The following FOXP1 variants were observed in gnomAD, a reference collection of about 807,000 sequenced individuals.
The protein encoded by FOXP1 is forkhead box protein P1.
In FOXP1, 15 loss-of-function variants were observed where a neutral mutation model predicts 98.2. The observed-to-expected ratio is 0.15, with a 90% confidence interval of 0.10 to 0.24. The LOEUF (loss-of-function observed/expected upper bound fraction) is 0.24, where lower values mean the gene tolerates loss of function less well. Ranked by LOEUF, FOXP1 falls within the 10% of genes least tolerant of loss-of-function variation. The pLI is 1.00. For synonymous variants in FOXP1, 371 were observed against 314.5 expected (o/e 1.18, Z -1.90); for missense variants, 633 against 848.5 (o/e 0.75, Z 3.15).
chr3:70,969,657 T>C (rs1338700474), intron 19 of FOXP1: 1 of 152,272 alleles, frequency 6.6e-6, no homozygotes, highest in African/African-American at 2.4e-5. Context: ...CTTTTTAGAC[T>C]TTTGTTTCTC....
intron 5 of FOXP1, among the ~76,000 whole-genome samples, chr3:71,221,928 G>C (rs6806478): frequency 0.023 from 3,527 of 152,270 alleles, 158 homozygotes; most frequent in African/African-American, 0.081. Context: ...GCCGAGGCAG[G>C]CGGATCACGA....
At chr3:71,259,248 C>G (rs1397885858) in intron 5 of FOXP1, among the ~76,000 whole-genome samples, 1 of 152,206 alleles carries the variant, frequency 6.6e-6, no homozygotes, top group Non-Finnish European at 1.5e-5. Flanking sequence ...AGAGCCCAAG[C>G]TTAAAGCACA....
chr3:71,440,971 A>C (rs1259382898), intron 3 of FOXP1, among the ~76,000 whole-genome samples: 1 of 152,248 alleles, frequency 6.6e-6, no homozygotes, highest in Non-Finnish European at 1.5e-5. Context: ...CTGGTATTAA[A>C]TGGAAAGCAT....
At chr3:71,250,390 A>G (rs2068089516) in intron 5 of FOXP1, among the ~76,000 whole-genome samples, 2 of 152,202 alleles carry the variant, frequency 1.3e-5, no homozygotes, top group African/African-American at 4.8e-5. Context: ...AGCACTTGAA[A>G]TATGGCTAGT....
At chr3:71,191,233 A>T (rs2062961457) in intron 6 of FOXP1, among the ~76,000 whole-genome samples, 1 of 152,260 alleles carries the variant, frequency 6.6e-6, no homozygotes, top group Admixed American at 6.5e-5. Flanking sequence ...AGGACCTGCC[A>T]GTTCTGCAAA....
At chr3:71,162,634 T>TAA (rs2061196158) in intron 6 of FOXP1, among the ~76,000 whole-genome samples, 1 of 152,192 alleles carries the variant, frequency 6.6e-6, no homozygotes, top group Admixed American at 6.5e-5. Flanking sequence ...GTCAAACTGA[T>TAA]AGAGACAGGA....
In FOXP1 at chr3:71,386,443, C is replaced by T. The variant is rs186995297; in HGVS notation, c.-167-27199G>A. 8.9e-4 allele frequency among the ~76,000 whole-genome samples: 136 copies of T among 152,230 alleles called. 4 individuals are homozygous for T. The highest frequency in any genetic ancestry group is 2.4e-4 in the Non-Finnish European group (16 of 68,016). On this transcript the variant is annotated intron_variant, in intron 3 of 20. Transcript: ENST00000649528. Reference sequence around the variant, plus strand: ...TCAGTCTTCTCATCTCTGTTAACTACGCATAATAATAGAATCACGCCCTGT... The same window carrying T: ...TCAGTCTTCTCATCTCTGTTAACTATGCATAATAATAGAATCACGCCCTGT...
rs1007692421 is a variant in FOXP1, at chr3:71,388,210, C to T, written c.-167-28966G>A. Among the ~76,000 whole-genome samples, 7 of 152,100 alleles carry T rather than the reference C, an allele frequency of 4.6e-5. 1 individual carries two copies. The highest frequency in any genetic ancestry group is 3.2e-3 in the Middle Eastern group (1 of 316). On this transcript the variant is annotated intron_variant, in intron 3 of 20. Coordinates refer to ENST00000649528, the MANE Select transcript of FOXP1 (RefSeq NM_001349338.3). Reference sequence around the variant, plus strand: ...AATGGCCTCTATATTTAACAGATTCCATATCCATTCTGAGAGCTAGTAAGC... The same window carrying T: ...AATGGCCTCTATATTTAACAGATTCTATATCCATTCTGAGAGCTAGTAAGC...
chr3:71,221,317 T>C (rs1376711274), intron 5 of FOXP1, among the ~76,000 whole-genome samples: 2 of 152,200 alleles, frequency 1.3e-5, no homozygotes, highest in East Asian at 1.9e-4. Context: ...GCCAAAAATG[T>C]TGGGGTCCAC....
intron 2 of FOXP1, chr3:71,581,315 C>G (rs2048147669): frequency 1.9e-5 from 19 of 985,362 alleles, no homozygotes; most frequent in Non-Finnish European, 2.2e-5. Flanking sequence ...CCACGCTAAA[C>G]TTTGATCTCC....
At chr3:71,377,571 T>C (rs1430058206) in intron 3 of FOXP1, among the ~76,000 whole-genome samples, 1 of 152,192 alleles carries the variant, frequency 6.6e-6, no homozygotes, top group Non-Finnish European at 1.5e-5. Context: ...GTCACCGAGT[T>C]CCTAAGTAGC....
intron 5 of FOXP1, among the ~76,000 whole-genome samples, chr3:71,256,845 T>A (rs547292951): frequency 1.3e-5 from 2 of 152,210 alleles, no homozygotes; most frequent in African/African-American, 2.4e-5. Flanking sequence ...GACAGAAACA[T>A]GTTTGAGGAG....
intron 3 of FOXP1, among the ~76,000 whole-genome samples, chr3:71,379,964 T>C (rs1254283880): frequency 2.6e-5 from 4 of 152,188 alleles, no homozygotes; most frequent in Admixed American, 2.6e-4. Context: ...ATAGACTAAT[T>C]TATATTCTAA....
Position 71,433,421 on chromosome 3 carries a change from A to G in FOXP1, c.-168+60005T>C, listed in dbSNP as rs114806428. ...TGTGTGTTCCTGAAATGCACGTGCA[A>G]TTGATCAGGGAAACAACTTTACGGG... On this transcript the variant is annotated intron_variant, in intron 3 of 20. Transcript: ENST00000649528. 4.5e-3 allele frequency among the ~76,000 whole-genome samples: 693 copies of G among 152,308 alleles called. 9 individuals carry two copies. The highest frequency in any genetic ancestry group is 0.016 in the African/African-American group (668 of 41,546).
At chr3:71,115,741 T>C (rs1456684342) in intron 6 of FOXP1, among the ~76,000 whole-genome samples, 7 of 148,452 alleles carry the variant, frequency 4.7e-5, no homozygotes, top group Non-Finnish European at 9.0e-5. Flanking sequence ...ACTATTCTTT[T>C]TTTTTTTTTT....
intron 3 of FOXP1, among the ~76,000 whole-genome samples, chr3:71,371,174 C>T (rs776981792): frequency 1.3e-5 from 2 of 152,192 alleles, no homozygotes; most frequent in Non-Finnish European, 2.9e-5. Flanking sequence ...TCCGCCACTG[C>T]TGCTGGTTCA....
At chr3:71,384,893 C>A (rs1029058231) in intron 3 of FOXP1, among the ~76,000 whole-genome samples, 3 of 152,088 alleles carry the variant, frequency 2.0e-5, no homozygotes, top group African/African-American at 7.2e-5. Flanking sequence ...TTTTCTAGAA[C>A]CCTGAAAGGA....
intron 13 of FOXP1, among the ~76,000 whole-genome samples, chr3:70,998,708 A>C (rs1310529799): frequency 1.3e-5 from 2 of 152,204 alleles, no homozygotes; most frequent in Non-Finnish European, 2.9e-5. Context: ...GAAATAAATG[A>C]AATCTATAAA....
rs1019272031 is a variant in FOXP1, at chr3:71,052,395, A to T, written c.510+142T>A. 12 of 702,440 alleles carry T rather than the reference A, an allele frequency of 1.7e-5. No individual in the cohort carries two copies. The Admixed American group carries it at 2.6e-4, about 15-fold the overall frequency. The allele number at this position is 702,440 out of a possible 1,614,324, so 43.5% of individuals were successfully genotyped here. On this transcript the variant is annotated intron_variant, in intron 9 of 20. Coordinates refer to ENST00000649528, the MANE Select transcript of FOXP1 (RefSeq NM_001349338.3). ...CCAGAAAAATCTGAGTGAAAACAGG[A>T]CAATAATTCTCAGTCTGAAAGCTGA...
Sources: allele counts gnomAD v4.1 joint callset (sites outside exome capture counted in the v4.1 genomes callset), GRCh38; gene constraint gnomAD v4.1.1; transcripts MANE v1.5; gene names NCBI Gene and HGNC (gene_info 2026-07-23, HGNC 2026-07-21).